Variants in PDE6B observed in about 807,000 individuals in gnomAD.
The protein encoded by PDE6B is phosphodiesterase 6B, also known as rod cGMP-specific 3',5'-cyclic phosphodiesterase subunit beta.
Under a neutral mutation model 109.0 loss-of-function variants are expected in PDE6B, and 106 were observed. The ratio of observed to expected loss-of-function variants is 0.97; its 90% confidence interval spans 0.83 to 1.14. PDE6B has a LOEUF of 1.14. Among genes scored for constraint, PDE6B ranks in the 50% most tolerant of loss-of-function variants. The pLI is 0.00. For synonymous variants in PDE6B, 490 were observed against 471.3 expected (o/e 1.04, Z -0.51); for missense variants, 1,193 against 1,155.6 (o/e 1.03, Z -0.47).
rs1231442751 is a variant in PDE6B at position 663,627 on chromosome 4, A to G, written c.1921-143A>G. 1 of 700,060 alleles carries G rather than the reference A, an allele frequency of 1.4e-6. No individual in the cohort carries two copies. Among genetic ancestry groups the G allele is most frequent in the Non-Finnish European group, 2.6e-6 (1 of 381,492 alleles). The allele number at this position is 700,060 out of a possible 1,614,324, so 43.4% of individuals were successfully genotyped here. A position where few individuals can be genotyped will look rare whatever the true frequency, so the allele number is the denominator to read the frequency against. On this transcript the variant is annotated intron_variant, in intron 15 of 21. Transcript: ENST00000496514. This position sits in a 1 kb window ranked among gnomAD's most constrained non-coding sequence, Gnocchi z 4.0. ...CACCCTGAGGAGGGCCCTGAGCAGC[A>G]GGCGGATTAGGGGTCCCGCCCACCG...
intron 10 of PDE6B, among the ~76,000 whole-genome samples, chr4:658,083 G>T (rs1259562415): frequency 1.7e-5 from 2 of 120,872 alleles, no homozygotes; most frequent in South Asian, 3.1e-4. Flanking sequence ...CCATCCAGGG[G>T]TCACCCAGAG....
At chr4:642,903 G>T (rs1735015933) in intron 3 of PDE6B, among the ~76,000 whole-genome samples, 1 of 151,860 alleles carries the variant, frequency 6.6e-6, no homozygotes. Context: ...TGTATTTTTT[G>T]AACAAATTGT....
chr4:627,237 C>T (rs893534959), intron 1 of PDE6B, among the ~76,000 whole-genome samples: 1 of 151,878 alleles, frequency 6.6e-6, no homozygotes, highest in Non-Finnish European at 1.5e-5. Context: ...CCTCCGTCTC[C>T]CACGTTCAAG....
chr4:634,648 T>C (rs764938604), intron 1 of PDE6B, 29 bp from the exon 2 acceptor site: 5 of 1,600,868 alleles, frequency 3.1e-6, no homozygotes, highest in Non-Finnish European at 4.3e-6. Context: ...TGCGACAGCC[T>C]CTTTAGCCTC....
intron 6 of PDE6B, 61 bp from the exon 7 acceptor site, chr4:655,879 A>T: frequency 1.0e-6 from 1 of 956,748 alleles, no homozygotes; most frequent in Non-Finnish European, 1.7e-6. Context: ...AGTCCCTCTG[A>T]CTCCTGCACG....
At chr4:641,022 T>G (rs893601220) in intron 3 of PDE6B, among the ~76,000 whole-genome samples, 2 of 152,242 alleles carry the variant, frequency 1.3e-5, no homozygotes, top group Admixed American at 1.3e-4. Flanking sequence ...ATTCTGGGTT[T>G]GTTGCCTTTC....
intron 5 of PDE6B, 163 bp from the exon 6 acceptor site, chr4:654,661 C>T (rs1056456169): frequency 1.8e-5 from 13 of 732,616 alleles, no homozygotes; most frequent in East Asian, 1.0e-4. Flanking sequence ...AGAATACCTG[C>T]GCACGGCGGA....
At position 670,080 on chromosome 4, in the gene PDE6B, C is replaced by G. The variant is rs1388690806; in HGVS notation, c.2538C>G (p.Pro846=). The G allele has an allele frequency of 1.2e-6, 2 of 1,612,994 alleles. No homozygotes were observed. Among genetic ancestry groups the G allele is most frequent in the African/African-American group, 2.7e-5 (2 of 74,876 alleles). Reference sequence around the variant, plus strand: ...AAATTTGCAATGGCGGCCCAGCACCCAAGTCTTCAACCTGCTGTATCCTGT... The same window carrying G: ...AAATTTGCAATGGCGGCCCAGCACCGAAGTCTTCAACCTGCTGTATCCTGT... ...GTEICNGGPA[P]KSSTCCIL The change falls in exon 22 of 22, where the codon CCC becomes CCG. Residue 846 remains proline (P), a synonymous_variant. Transcript: ENST00000496514.
intron 1 of PDE6B, among the ~76,000 whole-genome samples, chr4:630,107 G>A (rs1734310779): frequency 6.6e-6 from 1 of 152,194 alleles, no homozygotes; most frequent in Non-Finnish European, 1.5e-5. Context: ...GGGCACCAGA[G>A]AGGAGAGACG....
intron 7 of PDE6B, 75 bp downstream of exon 7, chr4:656,081 CTGCCACG>C: frequency 9.2e-7 from 1 of 1,092,606 alleles, no homozygotes. Flanking sequence ...CTCCTTGTCT[CTGCCACG>C]TCCCGCCCTC....
chr4:659,262 T>C (rs1936248845), intron 11 of PDE6B, among the ~76,000 whole-genome samples: 1 of 152,214 alleles, frequency 6.6e-6, no homozygotes, highest in African/African-American at 2.4e-5. Flanking sequence ...CTTTGATGTC[T>C]GCACTCCTGA....
At chr4:650,644 C>T (rs562228608) in intron 3 of PDE6B, among the ~76,000 whole-genome samples, 67 of 152,304 alleles carry the variant, frequency 4.4e-4, no homozygotes, top group African/African-American at 1.4e-3. Context: ...ACAGAAACAG[C>T]TCCGACACCC....
Position 662,834 on chromosome 4 carries a change from TAAAAAAA to T in PDE6B, c.1832+232_1832+238del, listed in dbSNP as rs36093261. ...GCAAGAGCTCTCCTCTACAAAAACT[TAAAAAAA>T]AAAAAAAAAAAAAAAGCTGTGTATG... On this transcript the variant is annotated intron_variant, in intron 14 of 21. Transcript: ENST00000496514. The surrounding 1 kb of genome is among the most constrained non-coding windows in gnomAD (Gnocchi z 4.3). 7.3e-4 allele frequency among the ~76,000 whole-genome samples: 67 copies of T among 92,134 alleles called. No individual in the cohort carries two copies. Among genetic ancestry groups the T allele is most frequent in the African/African-American group, 2.7e-3 (65 of 23,986 alleles). 60.4% of individuals were successfully genotyped at this position (92,134 alleles called of 152,430 possible). A position where few individuals can be genotyped will look rare whatever the true frequency, so the allele number is the denominator to read the frequency against.
rs940468205 is a variant in PDE6B at position 636,897 on chromosome 4, C to A, written c.711+928C>A. ...CAGCCAGTGGACACCTGTGAGAAAACCCCCCGGAGGGAAGTCTCAGCCCCA... is the reference window on the plus strand; with the variant it reads ...CAGCCAGTGGACACCTGTGAGAAAAACCCCCGGAGGGAAGTCTCAGCCCCA... On this transcript the variant is annotated intron_variant, in intron 3 of 21. Coordinates refer to ENST00000496514, the MANE Select transcript of PDE6B (RefSeq NM_000283.4). This position sits in a 1 kb window ranked among gnomAD's most constrained non-coding sequence, Gnocchi z 4.5. 6.6e-6 allele frequency among the ~76,000 whole-genome samples: 1 copy of A among 152,210 alleles called. No homozygotes were observed. Among genetic ancestry groups the A allele is most frequent in the South Asian group, 2.1e-4 (1 of 4,822 alleles).
chr4:641,000 ATTGTGCTAGCTATTCTGGGT>A (rs1464238234), intron 3 of PDE6B, among the ~76,000 whole-genome samples: 1 of 152,192 alleles, frequency 6.6e-6, no homozygotes, highest in East Asian at 1.9e-4. Flanking sequence ...CTTCTGCAGT[ATTGTGCTAGCTATTCTGGGT>A]TTGTTGCCTT....
At position 669,754 on chromosome 4, in the gene PDE6B, C is replaced by T. The variant is rs187491052; in HGVS notation, c.2504-292C>T. Reference sequence around the variant, plus strand: ...CTATTCCCGCTACCCCATGCTATTCCCCTACCCCATGCTATCCCCCTACCC... The same window carrying T: ...CTATTCCCGCTACCCCATGCTATTCTCCTACCCCATGCTATCCCCCTACCC... On this transcript the variant is annotated intron_variant, in intron 21 of 21. Coordinates refer to ENST00000496514, the MANE Select transcript of PDE6B (RefSeq NM_000283.4). Among the ~76,000 whole-genome samples, 9 of 150,888 alleles carry T rather than the reference C, an allele frequency of 6.0e-5. No homozygotes were observed. The East Asian group carries it at 9.7e-4, about 16-fold the overall frequency.
Position 663,229 on chromosome 4 carries a change from A to T in PDE6B, c.1920+42A>T. ...TCGGTTTCTGCTGTGGGCGCTGGGG[A>T]CGCAGCGTCCGCAGGACGGCAGGGC... On this transcript the variant is annotated intron_variant, in intron 15 of 21. Transcript: ENST00000496514. This position sits in a 1 kb window ranked among gnomAD's most constrained non-coding sequence, Gnocchi z 4.0. 1 of 1,116,062 alleles carries T rather than the reference A, an allele frequency of 9.0e-7. No individual in the cohort carries two copies. Among genetic ancestry groups the T allele is most frequent in the Non-Finnish European group, 1.4e-6 (1 of 725,348 alleles). The allele number at this position is 1,116,062 out of a possible 1,614,324, so 69.1% of individuals were successfully genotyped here.
rs185263445 is a variant in PDE6B, at chr4:660,449, C to T, written c.1468-18C>T. The T allele has an allele frequency of 1.9e-6, 3 of 1,613,372 alleles. No individual in the cohort carries two copies. Among genetic ancestry groups the T allele is most frequent in the African/African-American group, 2.7e-5 (2 of 75,020 alleles). On this transcript the variant is annotated intron_variant, in intron 11 of 21. Transcript: ENST00000496514. ...CTGTGGCAGGCCAACCTCCCTCAGC[C>T]CACAATCCCTCCCACAGAAGGAGGA...
rs749560815 is a variant in PDE6B at position 662,200 on chromosome 4, C to T, written c.1681C>T (p.His561Tyr). The change falls in exon 13 of 22, where the codon CAC (histidine) becomes TAC (tyrosine). Residue 561 changes from histidine to tyrosine, a missense_variant. By Grantham distance (83) the His-to-Tyr change is moderately conservative (BLOSUM62 2). Transcript: ENST00000496514. The surrounding 1 kb of genome is among the most constrained non-coding windows in gnomAD (Gnocchi z 4.3). ...YRRITYHNWR[H>Y]GFNVAQTMFT... ...GAGAATCACCTACCACAACTGGCGC[C>T]ACGGCTTCAACGTGGCCCAGACGAT... The T allele has an allele frequency of 6.3e-7, 1 of 1,580,252 alleles. No homozygotes were observed. The highest frequency in any genetic ancestry group is 8.6e-7 in the Non-Finnish European group (1 of 1,163,052).
Sources: gnomAD v4.1 joint callset for allele counts (sites outside exome capture counted in the v4.1 genomes callset) on GRCh38, gnomAD v4.1.1 for gene constraint, Gnocchi (gnomAD v3.1) non-coding constraint, MANE v1.5 for transcripts, NCBI Gene and HGNC (gene_info 2026-07-23, HGNC 2026-07-21) for gene names.